Variants in WDR72 observed in about 807,000 individuals in gnomAD.
WDR72 encodes the protein WD repeat domain 72.
In WDR72, 120 loss-of-function variants were observed where a neutral mutation model predicts 124.2. The observed-to-expected ratio is 0.97, with a 90% CI of 0.83 to 1.12. The LOEUF is 1.12. Among genes scored for constraint, WDR72 ranks in the 50% most tolerant of loss-of-function variants. The pLI is 0.00. For missense variants in WDR72, 1,387 were observed against 1,278.8 expected, an observed-to-expected ratio of 1.08 and a Z score of -1.29; for synonymous variants, 452 against 441.7, an observed-to-expected ratio of 1.02 and a Z score of -0.29.
intron 18 of WDR72, among the ~76,000 whole-genome samples, chr15:53,531,493 T>A (rs1892465948): frequency 6.6e-6 from 1 of 152,058 alleles, no homozygotes; most frequent in Non-Finnish European, 1.5e-5. Context: ...CCTCAAGCTG[T>A]CTCACTGCAT....
At chr15:53,578,270 G>C (rs918077915) in intron 18 of WDR72, among the ~76,000 whole-genome samples, 1 of 152,108 alleles carries the variant, frequency 6.6e-6, no homozygotes, top group African/African-American at 2.4e-5. Flanking sequence ...GTGGTCAGTG[G>C]TGTGACAGAA....
At chr15:53,614,352 T>C (rs1264736057) in intron 15 of WDR72, among the ~76,000 whole-genome samples, 5 of 152,126 alleles carry the variant, frequency 3.3e-5, no homozygotes, top group Non-Finnish European at 5.9e-5. Context: ...GTTGGAAGGA[T>C]TTGGTGTGAC....
chr15:53,656,086 G>A (rs1218577637), intron 14 of WDR72, among the ~76,000 whole-genome samples: 1 of 152,220 alleles, frequency 6.6e-6, no homozygotes, highest in African/African-American at 2.4e-5. Context: ...ATTTGATTGT[G>A]CATGGAGTTA....
At chr15:53,649,343 C>T (rs2015151943) in intron 14 of WDR72, among the ~76,000 whole-genome samples, 1 of 152,034 alleles carries the variant, frequency 6.6e-6, no homozygotes, top group African/African-American at 2.4e-5. Flanking sequence ...CATTGCCAAC[C>T]CCTGGCTTAT....
chr15:53,655,160 C>G (rs484867), intron 14 of WDR72, among the ~76,000 whole-genome samples: 43,080 of 140,976 alleles, frequency 0.31, 6,808 homozygotes, highest in East Asian at 0.54. Flanking sequence ...GAACCTGGGA[C>G]GCAGAGGCTG....
At chr15:53,583,836 G>A (rs2140321128) in intron 18 of WDR72, among the ~76,000 whole-genome samples, 1 of 152,078 alleles carries the variant, frequency 6.6e-6, no homozygotes, top group African/African-American at 2.4e-5. Flanking sequence ...TTAAGTAGAT[G>A]GCTTGAAGAG....
In WDR72 at chr15:53,687,602, G is replaced by A. The variant is rs2016685463; in HGVS notation, c.1765+12148C>T. On this transcript the variant is annotated intron_variant, in intron 13 of 19. Transcript: ENST00000360509. ...ACCAACCAAAAAGAGTCCAGGACCA[G>A]ATGGATTCACAGCCGAATTCTACCA... 2.0e-5 allele frequency among the ~76,000 whole-genome samples: 3 copies of A among 147,624 alleles called. No homozygotes were observed. In the South Asian group the frequency reaches 6.6e-4, roughly 33 times the overall value.
intron 14 of WDR72, among the ~76,000 whole-genome samples, chr15:53,622,778 A>ACTAAC (rs1169547165): frequency 8.7e-5 from 13 of 148,736 alleles, no homozygotes; most frequent in African/African-American, 3.4e-4. Context: ...GTATCCCAGA[A>ACTAAC]CTAAACTAAA....
chr15:53,707,249 C>T (rs2017406713), intron 9 of WDR72, among the ~76,000 whole-genome samples: 1 of 152,052 alleles, frequency 6.6e-6, no homozygotes, highest in Non-Finnish European at 1.5e-5. Context: ...TTAAAGGCCA[C>T]GATATTGCTA....
At chr15:53,667,178 G>A (rs3848137) in intron 13 of WDR72, among the ~76,000 whole-genome samples, 33,503 of 151,616 alleles carry the variant, frequency 0.22, 4,018 homozygotes, top group East Asian at 0.45. Context: ...ATGGTAAAAC[G>A]CCATCTCTAC....
intron 18 of WDR72, among the ~76,000 whole-genome samples, chr15:53,565,287 G>A (rs933462235): frequency 6.6e-6 from 1 of 151,776 alleles, no homozygotes. Context: ...CTATCACGTA[G>A]GACTTTTTTT....
At position 53,686,972 on chromosome 15, in the gene WDR72, A is replaced by T. The variant is rs573026718; in HGVS notation, c.1765+12778T>A. On this transcript the variant is annotated intron_variant, in intron 13 of 19. Transcript: ENST00000360509. ...GCTCCTGAATGACTACTGGGTACAT[A>T]ACGAAATGAAGGCGGAAATAAACAT... 2.4e-4 allele frequency among the ~76,000 whole-genome samples: 36 copies of T among 151,648 alleles called. 1 individual carries two copies. The East Asian group carries it at 7.0e-3, about 30-fold the overall frequency.
intron 18 of WDR72, among the ~76,000 whole-genome samples, chr15:53,592,979 A>G (rs892775035): frequency 2.6e-5 from 4 of 152,118 alleles, no homozygotes; most frequent in African/African-American, 9.7e-5. Context: ...ACAGATACAC[A>G]AATATTAAGA....
At chr15:53,571,991 T>C (rs1369052223) in intron 18 of WDR72, among the ~76,000 whole-genome samples, 10 of 152,176 alleles carry the variant, frequency 6.6e-5, no homozygotes, top group Admixed American at 5.9e-4. Context: ...TTTTTTCATA[T>C]ACCTGTTGGC....
intron 1 of WDR72, among the ~76,000 whole-genome samples, chr15:53,739,949 C>G (rs1039853223): frequency 6.6e-6 from 1 of 152,102 alleles, no homozygotes; most frequent in Non-Finnish European, 1.5e-5. Flanking sequence ...ACCCACCCTG[C>G]TGAGTAGAAC....
intron 17 of WDR72, among the ~76,000 whole-genome samples, chr15:53,608,063 T>A (rs1331679682): frequency 6.6e-6 from 1 of 152,120 alleles, no homozygotes; most frequent in Non-Finnish European, 1.5e-5. Flanking sequence ...GAAATGTAAA[T>A]GAGTACAACC....
chr15:53,690,160 T>G (rs1472002400), intron 13 of WDR72, among the ~76,000 whole-genome samples: 1 of 151,776 alleles, frequency 6.6e-6, no homozygotes, highest in African/African-American at 2.4e-5. Flanking sequence ...GGCACATGTA[T>G]ACATATGTAA....
At chr15:53,721,550 T>C (rs910819435) in intron 3 of WDR72, among the ~76,000 whole-genome samples, 1 of 152,158 alleles carries the variant, frequency 6.6e-6, no homozygotes, top group African/African-American at 2.4e-5. Flanking sequence ...TTATCCAAAG[T>C]TCAATCCCTC....
At chr15:53,675,284 A>G (rs1031676473) in intron 13 of WDR72, among the ~76,000 whole-genome samples, 1 of 151,340 alleles carries the variant, frequency 6.6e-6, no homozygotes, top group African/African-American at 2.4e-5. Flanking sequence ...CGGAGGTTGC[A>G]GTGAGCTGAG....
Sources: gnomAD v4.1 joint callset for allele counts (sites outside exome capture counted in the v4.1 genomes callset) on GRCh38, gnomAD v4.1.1 for gene constraint, MANE v1.5 for transcripts, NCBI Gene and HGNC (gene_info 2026-07-23, HGNC 2026-07-21) for gene names.